VPS13B: variants seen among roughly 807,000 people sequenced by gnomAD.
VPS13B encodes vacuolar protein sorting 13 homolog B.
A neutral mutation model predicts 426.4 loss-of-function variants in VPS13B; 285 were observed. The observed-to-expected ratio is 0.67, with a 90% CI of 0.61 to 0.74. The LOEUF (loss-of-function observed/expected upper bound fraction) is 0.74, where lower values mean the gene tolerates loss of function less well. Ranked by LOEUF, VPS13B falls within the 30% of genes least tolerant of loss-of-function variation. VPS13B has a pLI of 0.00. For missense variants in VPS13B, 4,537 were observed against 4,782.6 expected, an observed-to-expected ratio of 0.95 and a Z score of 1.51; for synonymous variants, 1,676 against 1,676.4, an observed-to-expected ratio of 1.00 and a Z score of 0.01.
intron 19 of VPS13B, among the ~76,000 whole-genome samples, chr8:99,336,732 C>CATTT (rs1462378644): frequency 1.3e-5 from 2 of 152,146 alleles, no homozygotes; most frequent in African/African-American, 4.8e-5. Flanking sequence ...CAAAAGAAGA[C>CATTT]ATTTATGCAG....
intron 16 of VPS13B, among the ~76,000 whole-genome samples, chr8:99,183,293 G>C (rs1813044507): frequency 6.6e-6 from 1 of 152,116 alleles, no homozygotes; most frequent in African/African-American, 2.4e-5. Context: ...GTATATTGAA[G>C]TTTATATAGG....
chr8:99,300,060 G>A (rs189289320), intron 19 of VPS13B, among the ~76,000 whole-genome samples: 5 of 152,360 alleles, frequency 3.3e-5, no homozygotes, highest in Admixed American at 6.5e-5. Flanking sequence ...AAACCAGTGT[G>A]TTTCTAAATC....
intron 44 of VPS13B, among the ~76,000 whole-genome samples, chr8:99,811,730 T>G (rs1252434119): frequency 6.6e-6 from 1 of 152,178 alleles, no homozygotes; most frequent in Non-Finnish European, 1.5e-5. Flanking sequence ...CTGTATCCGC[T>G]TGCTAGCTGT....
At chr8:99,530,812 T>C (rs1822895095) in intron 30 of VPS13B, among the ~76,000 whole-genome samples, 1 of 152,148 alleles carries the variant, frequency 6.6e-6, no homozygotes, top group Non-Finnish European at 1.5e-5. Flanking sequence ...ATTCAGTCTG[T>C]AGACATTCAG....
chr8:99,353,963 A>G (rs1812041764), intron 19 of VPS13B, among the ~76,000 whole-genome samples: 1 of 152,134 alleles, frequency 6.6e-6, no homozygotes, highest in Admixed American at 6.5e-5. Context: ...TTATAATTAA[A>G]TGTGGTTGAA....
At chr8:99,419,843 ATTTACTATGCAAG>A (rs145463770) in intron 21 of VPS13B, among the ~76,000 whole-genome samples, 3,097 of 152,268 alleles carry the variant, frequency 0.02, 116 homozygotes, top group African/African-American at 0.071. Flanking sequence ...TTGATCGAGT[ATTTACTATGCAAG>A]GCATTATACT....
At position 99,481,604 on chromosome 8, in the gene VPS13B, G is replaced by T; in HGVS notation, c.3672G>T (p.Gln1224His). The T allele has an allele frequency of 6.2e-7, 1 of 1,613,644 alleles. No individual in the cohort carries two copies. The highest frequency in any genetic ancestry group is 8.5e-7 in the Non-Finnish European group (1 of 1,179,812). The change falls in exon 25 of 62, where the codon CAG (glutamine) becomes CAT (histidine). Residue 1224 changes from glutamine (Q) to histidine (H), a missense_variant. By Grantham distance (24) the Gln-to-His change is conservative. Coordinates refer to ENST00000357162, the MANE Select transcript of VPS13B (RefSeq NM_152564.5). ...LEIKCSNPQV[Q>H]LFYELTDIMN... ...CTTTTTTCTTATGCTCTCAGGTCCA[G>T]CTCTTCTATGAACTAACTGATATCA... is the stretch of plus-strand genomic sequence containing the variant.
At chr8:99,255,956 A>G (rs1817724526) in intron 17 of VPS13B, among the ~76,000 whole-genome samples, 1 of 152,178 alleles carries the variant, frequency 6.6e-6, no homozygotes, top group South Asian at 2.1e-4. Context: ...AGTATGCTGA[A>G]GATGGAAGTC....
At chr8:99,391,096 G>A (rs1814418540) in intron 20 of VPS13B, among the ~76,000 whole-genome samples, 1 of 152,050 alleles carries the variant, frequency 6.6e-6, no homozygotes, top group African/African-American at 2.4e-5. Flanking sequence ...GTAAAAGTAT[G>A]TTTCTAAAAA....
intron 4 of VPS13B, among the ~76,000 whole-genome samples, chr8:99,099,626 G>C (rs377575259): frequency 3.1e-4 from 47 of 152,298 alleles, no homozygotes; most frequent in African/African-American, 1.0e-3. Flanking sequence ...CCCAAGAAAA[G>C]TGGTAGAGAC....
chr8:99,335,210 T>A (rs1489465914), intron 19 of VPS13B, among the ~76,000 whole-genome samples: 1 of 152,170 alleles, frequency 6.6e-6, no homozygotes, highest in Non-Finnish European at 1.5e-5. Context: ...GATATCTCCT[T>A]TATCATATTT....
At chr8:99,705,554 T>C (rs1311037261) in intron 36 of VPS13B, among the ~76,000 whole-genome samples, 1 of 152,110 alleles carries the variant, frequency 6.6e-6, no homozygotes, top group Non-Finnish European at 1.5e-5. Flanking sequence ...TATGACTGTT[T>C]GACATTTAAA....
At chr8:99,399,963 T>A (rs905134570) in intron 21 of VPS13B, among the ~76,000 whole-genome samples, 3 of 152,156 alleles carry the variant, frequency 2.0e-5, no homozygotes, top group Non-Finnish European at 4.4e-5. Flanking sequence ...ATTTAATTTT[T>A]AAAAAATTCT....
At chr8:99,400,115 C>T (rs1814954218) in intron 21 of VPS13B, among the ~76,000 whole-genome samples, 1 of 152,192 alleles carries the variant, frequency 6.6e-6, no homozygotes, top group Middle Eastern at 3.2e-3. Context: ...TAAATTTTCT[C>T]AGAAGAGAAA....
At chr8:99,510,116 A>T (rs1481844900) in intron 28 of VPS13B, among the ~76,000 whole-genome samples, 1 of 152,254 alleles carries the variant, frequency 6.6e-6, no homozygotes, top group African/African-American at 2.4e-5. Flanking sequence ...AAAATGCGTT[A>T]GCTATTGATA....
chr8:99,777,436 G>A (rs767956409), intron 41 of VPS13B, among the ~76,000 whole-genome samples: 3 of 152,028 alleles, frequency 2.0e-5, no homozygotes, highest in African/African-American at 4.8e-5. Context: ...AGGGAAACTC[G>A]TTTTTTTATA....
chr8:99,472,167 A>G (rs1383706072), intron 24 of VPS13B, among the ~76,000 whole-genome samples: 2 of 152,118 alleles, frequency 1.3e-5, no homozygotes, highest in African/African-American at 4.8e-5. Context: ...GGAAATTTTT[A>G]TAACACCTCT....
At chr8:99,406,223 G>GTT (rs74275398) in intron 21 of VPS13B, among the ~76,000 whole-genome samples, 4 of 136,712 alleles carry the variant, frequency 2.9e-5, no homozygotes, top group African/African-American at 2.7e-5. Flanking sequence ...TCCTGTTCTT[G>GTT]TTTTTTTTTT....
At chr8:99,623,988 A>AATAT (rs1409638089) in intron 33 of VPS13B, among the ~76,000 whole-genome samples, 1 of 89,546 alleles carries the variant, frequency 1.1e-5, no homozygotes, top group Admixed American at 1.8e-4. Flanking sequence ...ATGTCTATGA[A>AATAT]ACATACATAT....
Sources: gnomAD v4.1 joint callset for allele counts (sites outside exome capture counted in the v4.1 genomes callset) on GRCh38, gnomAD v4.1.1 for gene constraint, MANE v1.5 for transcripts, NCBI Gene and HGNC (gene_info 2026-07-23, HGNC 2026-07-21) for gene names.